Variants in FER1L5 observed in about 807,000 individuals in gnomAD.
FER1L5 encodes the protein fer-1-like protein 5.
A neutral mutation model predicts 279.9 loss-of-function variants in FER1L5; 187 were observed. That is an observed-to-expected ratio of 0.67 (90% CI 0.59 to 0.75). The LOEUF (loss-of-function observed/expected upper bound fraction) is 0.75, where lower values mean the gene tolerates loss of function less well. Ranked by LOEUF, FER1L5 falls within the 30% of genes least tolerant of loss-of-function variation. The pLI, the probability that FER1L5 is intolerant of heterozygous loss-of-function variation, is 0.00. For synonymous variants in FER1L5, 921 were observed against 989.7 expected (o/e 0.93, Z 1.30); for missense variants, 2,091 against 2,594.4 (o/e 0.81, Z 4.21).
Position 96,685,436 on chromosome 2 carries a change from G to A in FER1L5, c.1895+7G>A, listed in dbSNP as rs374036187. 5.2e-6 allele frequency: 8 copies of A among 1,548,444 alleles called. No individual in the cohort carries two copies. The highest frequency in any genetic ancestry group is 1.2e-5 in the South Asian group (1 of 83,862). On this transcript the variant is annotated splice_region_variant and intron_variant, in intron 21 of 52. Transcript: ENST00000624922. The stretch of plus-strand genomic sequence containing the variant: ...AGCTGGCAGAGGACTGCAAGTAGGA[G>A]TAGGGGCACTCCGGGATACAGCTGG...
chr2:96,648,080 T>C (rs140096817), intron 4 of FER1L5, among the ~76,000 whole-genome samples, 194 bp downstream of exon 4: 5 of 152,320 alleles, frequency 3.3e-5, no homozygotes, highest in East Asian at 1.9e-4. Context: ...CCGCCTTGCA[T>C]TGGGAGTCAA....
chr2:96,687,929 A>G lies in FER1L5; in HGVS notation c.2343A>G (p.Thr781=). The part of the protein sequence containing the change: ...KDLQLLRQGD[T]AVYAEMYENQ... ...TGCAGCTGCTCCGCCAGGGTGACAC[A>G]GCGGTGTACGCCGAGATGGTGAGTG... Residue 781 remains threonine, a synonymous_variant, in exon 24 of 53, where the codon ACA becomes ACG. Transcript: ENST00000624922. The G allele has an allele frequency of 6.4e-7, 1 of 1,551,022 alleles. No homozygotes were observed. The highest frequency in any genetic ancestry group is 8.7e-7 in the Non-Finnish European group (1 of 1,146,966).
intron 19 of FER1L5, 67 bp downstream of exon 19, chr2:96,673,321 C>G: frequency 7.0e-7 from 1 of 1,436,562 alleles, no homozygotes; most frequent in Non-Finnish European, 9.4e-7. Context: ...GCTAGGCTCT[C>G]TCAGGGGTAT....
chr2:96,699,179 C>T, intron 42 of FER1L5, 43 bp downstream of exon 42: 1 of 1,558,192 alleles, frequency 6.4e-7, no homozygotes, highest in Non-Finnish European at 8.7e-7. Flanking sequence ...CACTCCTATC[C>T]ACACCACACT....
rs959161156 is a variant in FER1L5 at position 96,689,118 on chromosome 2, C to T, written c.2362-95C>T. 5.0e-6 allele frequency: 7 copies of T among 1,404,918 alleles called. No individual in the cohort carries two copies. In the African/African-American group the frequency reaches 8.8e-5, roughly 18 times the overall value. 87.0% of individuals were successfully genotyped at this position (1,404,918 alleles called of 1,614,324 possible). ...CCTGGCTACCACATTTTTAGGATGC[C>T]CCTGCAGCCCAGAGTCAGGGGGCCC... On this transcript the variant is annotated intron_variant, in intron 24 of 52. Coordinates refer to ENST00000624922, the MANE Select transcript of FER1L5 (RefSeq NM_001293083.2). The surrounding 1 kb of genome is among the most constrained non-coding windows in gnomAD (Gnocchi z 4.6).
At chr2:96,661,910 G>A (rs939672824) in intron 12 of FER1L5, 119 bp downstream of exon 12, 150 of 1,374,446 alleles carry the variant, frequency 1.1e-4, no homozygotes, top group Admixed American at 5.4e-4. Flanking sequence ...GGGTAGGGGG[G>A]ACAGGGTGAG....
At chr2:96,696,381 C>T (rs1373029966) in intron 37 of FER1L5, among the ~76,000 whole-genome samples, 2 of 152,098 alleles carry the variant, frequency 1.3e-5, no homozygotes, top group Non-Finnish European at 2.9e-5. Flanking sequence ...CAACCTCCGC[C>T]TCCCGGGTTC....
At chr2:96,697,816 GCA>G in intron 39 of FER1L5, 55 bp downstream of exon 39, 3 of 1,585,912 alleles carry the variant, frequency 1.9e-6, no homozygotes, top group Non-Finnish European at 2.6e-6. Context: ...GAGGAGGCCA[GCA>G]GAGCTAGCCT....
In FER1L5 at chr2:96,684,469, C is replaced by T. The variant is rs769626699; in HGVS notation, c.1794+18C>T. On this transcript the variant is annotated intron_variant, in intron 20 of 52. Coordinates refer to ENST00000624922, the MANE Select transcript of FER1L5 (RefSeq NM_001293083.2). ...ACCGCCTGGTGAGTGGTGCGGGAGC[C>T]GATGCTGGGAAGACACCTGTTTCAG... The T allele has an allele frequency of 5.8e-6, 9 of 1,546,782 alleles. No individual in the cohort carries two copies. Among genetic ancestry groups the T allele is most frequent in the East Asian group, 2.5e-5 (1 of 40,814 alleles).
At chr2:96,687,789 T>C (rs1262287603) in intron 23 of FER1L5, 27 bp from the exon 24 acceptor site, 1 of 1,550,112 alleles carries the variant, frequency 6.5e-7, no homozygotes, top group African/African-American at 1.4e-5. Flanking sequence ...TTAGTGCCCC[T>C]GTGGGACCGA....
intron 24 of FER1L5, chr2:96,688,958 T>C (rs774757753): frequency 2.3e-6 from 1 of 434,026 alleles, no homozygotes; most frequent in Non-Finnish European, 4.2e-6. Flanking sequence ...CTCCAAGCAC[T>C]ACATAGATGT....
At chr2:96,649,780 T>C in intron 5 of FER1L5, 103 bp downstream of exon 5, 1 of 1,161,700 alleles carries the variant, frequency 8.6e-7, no homozygotes, top group East Asian at 2.6e-5. Flanking sequence ...CCTTGAGGCC[T>C]ACAGAAGGAA....
intron 23 of FER1L5, among the ~76,000 whole-genome samples, chr2:96,686,828 C>G (rs2076944788): frequency 6.9e-6 from 1 of 145,832 alleles, no homozygotes; most frequent in East Asian, 2.0e-4. Flanking sequence ...ACTGTTCCAG[C>G]CTGGGTGACA....
chr2:96,700,729 C>G (rs981219313), intron 45 of FER1L5, among the ~76,000 whole-genome samples: 6 of 152,076 alleles, frequency 3.9e-5, no homozygotes, highest in African/African-American at 1.4e-4. Context: ...GTGGGAGGCA[C>G]CAGGGAGCCC....
At chr2:96,683,572 G>A (rs1046705866) in intron 19 of FER1L5, among the ~76,000 whole-genome samples, 5 of 150,932 alleles carry the variant, frequency 3.3e-5, no homozygotes, top group African/African-American at 9.8e-5. Context: ...CTTTCCGGGG[G>A]GGACACAGCC....
intron 45 of FER1L5, 98 bp from the exon 46 acceptor site, chr2:96,701,857 C>A: frequency 8.5e-7 from 1 of 1,182,370 alleles, no homozygotes; most frequent in Non-Finnish European, 1.2e-6. Flanking sequence ...GGGAACACAA[C>A]CTCAACAGAC....
chr2:96,667,863 C>CT (rs141187964), intron 14 of FER1L5, among the ~76,000 whole-genome samples: 14 of 151,824 alleles, frequency 9.2e-5, no homozygotes, highest in South Asian at 2.1e-4. Context: ...AATTAGGGGA[C>CT]TTTTTTTTCT....
intron 18 of FER1L5, among the ~76,000 whole-genome samples, chr2:96,672,633 G>A (rs2076368780): frequency 6.6e-6 from 1 of 151,558 alleles, no homozygotes; most frequent in African/African-American, 2.4e-5. Flanking sequence ...CAGGAAGTGG[G>A]AAGGTTCAAC....
chr2:96,690,027 G>A (rs544757834), intron 26 of FER1L5, among the ~76,000 whole-genome samples: 72 of 152,296 alleles, frequency 4.7e-4, no homozygotes, highest in Non-Finnish European at 8.8e-4. Flanking sequence ...TGCTTACCCC[G>A]AAGGAGAGAA....
Sources: allele counts gnomAD v4.1 joint callset (sites outside exome capture counted in the v4.1 genomes callset), GRCh38; gene constraint gnomAD v4.1.1; non-coding constraint Gnocchi (gnomAD v3.1); transcripts MANE v1.5; gene names NCBI Gene and HGNC (gene_info 2026-07-23, HGNC 2026-07-21).